The following DYRK3 variants were observed in gnomAD, a reference collection of about 807,000 sequenced individuals.
DYRK3 encodes the protein dual specificity tyrosine phosphorylation regulated kinase 3, also known as dual specificity tyrosine-phosphorylation-regulated kinase 3.
DYRK3 carries 30 observed loss-of-function variants against 40.8 expected under a neutral mutation model. The observed-to-expected ratio is 0.74, with a 90% CI of 0.55 to 1.00. The LOEUF is 1.00. Among genes scored for constraint, DYRK3 ranks in the 50% least tolerant of loss-of-function variants. The probability of loss-of-function intolerance (pLI) is 0.00; values close to 1 mark genes in which losing one functional copy is unlikely to be tolerated. For missense variants in DYRK3, 699 were observed against 731.5 expected, an observed-to-expected ratio of 0.96 and a Z score of 0.51; for synonymous variants, 272 against 260.7, an observed-to-expected ratio of 1.04 and a Z score of -0.42.
At chr1:206,636,191 C>T (rs1671103260) in intron 1 of DYRK3, 1 of 668,156 alleles carries the variant, frequency 1.5e-6, no homozygotes, top group East Asian at 5.1e-5. Flanking sequence ...TTGGGGTTTG[C>T]TGTGAGGGGT....
At chr1:206,636,264 T>C (rs1170335840) in intron 1 of DYRK3, 2 of 282,334 alleles carry the variant, frequency 7.1e-6, no homozygotes, top group African/African-American at 4.4e-5. Context: ...CCGGATCCTA[T>C]TTTGAGAGAT....
At chr1:206,640,349 T>C (rs1671252237) in intron 2 of DYRK3, among the ~76,000 whole-genome samples, 1 of 152,190 alleles carries the variant, frequency 6.6e-6, no homozygotes, top group African/African-American at 2.4e-5. Flanking sequence ...TGTTACTTTT[T>C]TTTACAAAGT....
rs1671599407 is a variant in DYRK3 at position 206,650,309 on chromosome 1, G to A, written c.*1344G>A. ...GGCTGGGTATTAGTGGCTCATGCCTGTAATCCCAGCACTTTGGGAGGCTGA... is the reference window on the plus strand; with the variant it reads ...GGCTGGGTATTAGTGGCTCATGCCTATAATCCCAGCACTTTGGGAGGCTGA... On this transcript the variant is annotated 3_prime_UTR_variant, in exon 3 of 3. Transcript: ENST00000367109. Among the ~76,000 whole-genome samples, 1 of 152,212 alleles carries A rather than the reference G, an allele frequency of 6.6e-6. No individual in the cohort carries two copies. The highest frequency in any genetic ancestry group is 1.5e-5 in the Non-Finnish European group (1 of 68,040).
chr1:206,639,702 C>T (rs932004279), intron 2 of DYRK3, among the ~76,000 whole-genome samples: 4 of 151,796 alleles, frequency 2.6e-5, no homozygotes, highest in Non-Finnish European at 5.9e-5. Flanking sequence ...CCTTGTGATG[C>T]ACCCACCTCA....
chr1:206,640,261 A>C (rs575672097), intron 2 of DYRK3, among the ~76,000 whole-genome samples: 2 of 152,166 alleles, frequency 1.3e-5, no homozygotes, highest in Non-Finnish European at 2.9e-5. Flanking sequence ...GCTGAAAAAG[A>C]AAATAAAAAT....
In DYRK3 at chr1:206,649,254, T is replaced by C; in HGVS notation, c.*289T>C. ...TGATGTATTATACTATTGGTTTAAA[T>C]CTCTTTCTCTCAAGATAGAAGGTGT... On this transcript the variant is annotated 3_prime_UTR_variant, in exon 3 of 3. Coordinates refer to ENST00000367109, the MANE Select transcript of DYRK3 (RefSeq NM_003582.4). The C allele has an allele frequency of 3.4e-6, 1 of 294,034 alleles. No homozygotes were observed. Among genetic ancestry groups the C allele is most frequent in the Non-Finnish European group, 6.4e-6 (1 of 156,402 alleles). 18.2% of individuals were successfully genotyped at this position (294,034 alleles called of 1,614,324 possible). A position where few individuals can be genotyped will look rare whatever the true frequency, so the allele number is the denominator to read the frequency against.
chr1:206,636,081 A>G, intron 1 of DYRK3: 7 of 1,514,704 alleles, frequency 4.6e-6, no homozygotes, highest in East Asian at 2.6e-5. Context: ...ACGAAAATCT[A>G]GGACTTTTTG....
At position 206,648,511 on chromosome 1, in the gene DYRK3, G is replaced by A. The variant is rs35021645; in HGVS notation, c.1313G>A (p.Arg438His). 2.5e-4 allele frequency: 403 copies of A among 1,614,128 alleles called. 1 individual carries two copies. In the African/African-American group the frequency reaches 3.4e-3, roughly 14 times the overall value. ...PPPKLLEQSK[R>H]AKYFINSKGI... ...CCAAAACTTCTGGAGCAATCCAAACGTGCCAAGTACTTTATTAATTCCAAG... is the reference window on the plus strand; with the variant it reads ...CCAAAACTTCTGGAGCAATCCAAACATGCCAAGTACTTTATTAATTCCAAG... Residue 438 changes from arginine to histidine, a missense_variant, in exon 3 of 3, where the codon CGT becomes CAT. Transcript: ENST00000367109.
chr1:206,637,561 G>T, intron 1 of DYRK3, 89 bp from the exon 2 acceptor site: 1 of 839,472 alleles, frequency 1.2e-6, no homozygotes, highest in Non-Finnish European at 1.9e-6. Context: ...TTCTATTACT[G>T]TTCCTTGTAG....
intron 1 of DYRK3, chr1:206,636,870 T>TA: frequency 1.9e-6 from 3 of 1,595,992 alleles, no homozygotes; most frequent in Non-Finnish European, 2.6e-6. Flanking sequence ...TGTGTTCCCT[T>TA]ACAGTGGTGG....
At position 206,655,124 on chromosome 1, in the gene DYRK3, G is replaced by GT. The variant is rs1361236674; in HGVS notation, c.*6165dup. ...AGTCAGTGGTTTTTTATTTTGGGGT[G>GT]TTTTTTAAAAAATAAAAATGAATTG... is the stretch of plus-strand genomic sequence containing the variant. On this transcript the variant is annotated 3_prime_UTR_variant, in exon 3 of 3. Coordinates refer to ENST00000367109, the MANE Select transcript of DYRK3 (RefSeq NM_003582.4). Among the ~76,000 whole-genome samples the GT allele has an allele frequency of 6.6e-6, 1 of 152,162 alleles. No individual in the cohort carries two copies. The highest frequency in any genetic ancestry group is 2.4e-5 in the African/African-American group (1 of 41,434).
At chr1:206,643,928 T>A (rs1156674937) in intron 2 of DYRK3, among the ~76,000 whole-genome samples, 2 of 152,068 alleles carry the variant, frequency 1.3e-5, no homozygotes, top group Non-Finnish European at 2.9e-5. Flanking sequence ...AATTATTATT[T>A]TTAATTAGAA....
At chr1:206,636,215 G>T in intron 1 of DYRK3, 1 of 527,724 alleles carries the variant, frequency 1.9e-6, no homozygotes, top group Non-Finnish European at 3.6e-6. Context: ...GTCTAGCTTC[G>T]AATGTACAGG....
chr1:206,638,539 G>T (rs1558554769), intron 2 of DYRK3, among the ~76,000 whole-genome samples: 1 of 151,184 alleles, frequency 6.6e-6, no homozygotes, highest in Non-Finnish European at 1.5e-5. Flanking sequence ...TTCCCAAAGT[G>T]CTGGGATTAC....
intron 2 of DYRK3, among the ~76,000 whole-genome samples, chr1:206,646,859 G>A (rs782348680): frequency 6.6e-6 from 1 of 152,174 alleles, no homozygotes; most frequent in Non-Finnish European, 1.5e-5. Flanking sequence ...CATGCTATAT[G>A]TCCTTAATAT....
intron 1 of DYRK3, chr1:206,637,040 C>A: frequency 1.7e-6 from 2 of 1,175,468 alleles, no homozygotes; most frequent in South Asian, 1.2e-5. Context: ...TATTTTTCTG[C>A]AGGTTAGGTA....
At position 206,640,012 on chromosome 1, in the gene DYRK3, G is replaced by A. The variant is rs540028269; in HGVS notation, c.189+2251G>A. ...TGCAGTGGCACAATCTTGGCTTGCT[G>A]CAACCTCCATCTCCCGGGTTCAAGC... On this transcript the variant is annotated intron_variant, in intron 2 of 2. Coordinates refer to ENST00000367109, the MANE Select transcript of DYRK3 (RefSeq NM_003582.4). Among the ~76,000 whole-genome samples the A allele has an allele frequency of 1.9e-4, 26 of 138,554 alleles. No individual in the cohort carries two copies. In the East Asian group the frequency reaches 5.6e-3, roughly 30 times the overall value. 90.9% of individuals were successfully genotyped at this position (138,554 alleles called of 152,430 possible). A position where few individuals can be genotyped will look rare whatever the true frequency, so the allele number is the denominator to read the frequency against.
chr1:206,635,664 C>G lies in DYRK3; in HGVS notation c.-40C>G, dbSNP rs1029641331. The G allele has an allele frequency of 8.0e-7, 1 of 1,245,290 alleles. No individual in the cohort carries two copies. 77.1% of individuals were successfully genotyped at this position (1,245,290 alleles called of 1,614,324 possible). On this transcript the variant is annotated 5_prime_UTR_variant, in exon 1 of 3. Coordinates refer to ENST00000367109, the MANE Select transcript of DYRK3 (RefSeq NM_003582.4). Reference sequence around the variant, plus strand: ...TAGGTGGCGTGGCCGACCGGACCCCCAACTGGCGCCTCTCCCCGCGCGGGG... The same window carrying G: ...TAGGTGGCGTGGCCGACCGGACCCCGAACTGGCGCCTCTCCCCGCGCGGGG...
In DYRK3 at chr1:206,649,039, C is replaced by T. The variant is rs200436281; in HGVS notation, c.*74C>T. 25 of 1,438,154 alleles carry T rather than the reference C, an allele frequency of 1.7e-5. No homozygotes were observed. The highest frequency in any genetic ancestry group is 2.2e-5 in the Non-Finnish European group (24 of 1,080,022). The allele number at this position is 1,438,154 out of a possible 1,614,324, so 89.1% of individuals were successfully genotyped here. On this transcript the variant is annotated 3_prime_UTR_variant, in exon 3 of 3. Transcript: ENST00000367109. Reference sequence around the variant, plus strand: ...TACAAACCTGCAAATGGAAAAAATGCAAGCCCATTGGTGGATGTTTTTGTT... The same window carrying T: ...TACAAACCTGCAAATGGAAAAAATGTAAGCCCATTGGTGGATGTTTTTGTT...
Sources: allele counts gnomAD v4.1 joint callset (sites outside exome capture counted in the v4.1 genomes callset), GRCh38; gene constraint gnomAD v4.1.1; transcripts MANE v1.5; gene names NCBI Gene and HGNC (gene_info 2026-07-23, HGNC 2026-07-21).